RUFY3: variants seen among roughly 807,000 people sequenced by gnomAD.
RUFY3 encodes RUN and FYVE domain containing 3, also known as protein RUFY3.
Under a neutral mutation model 84.0 loss-of-function variants are expected in RUFY3, and 34 were observed. That is an observed-to-expected ratio of 0.40 (90% confidence interval 0.31 to 0.54). The LOEUF (loss-of-function observed/expected upper bound fraction) is 0.54. RUFY3 is among the 20% of genes least tolerant of loss of function. RUFY3 has a pLI of 0.39. For synonymous variants in RUFY3, 242 were observed against 252.9 expected (o/e 0.96, Z 0.41); for missense variants, 507 against 736.8 (o/e 0.69, Z 3.61).
At chr4:70,740,935 T>A (rs2148646086) in intron 1 of RUFY3, among the ~76,000 whole-genome samples, 1 of 152,326 alleles carries the variant, frequency 6.6e-6, no homozygotes, top group East Asian at 1.9e-4. Context: ...TACTTGAGGC[T>A]ATTTATAGTC....
At chr4:70,716,156 G>GT (rs936372965) in intron 1 of RUFY3, among the ~76,000 whole-genome samples, 3 of 151,712 alleles carry the variant, frequency 2.0e-5, no homozygotes, top group Non-Finnish European at 4.4e-5. Flanking sequence ...TTTTGTTATT[G>GT]TTTTTTTGAG....
At chr4:70,744,127 T>C (rs1191586083) in intron 1 of RUFY3, among the ~76,000 whole-genome samples, 1 of 152,236 alleles carries the variant, frequency 6.6e-6, no homozygotes, top group Non-Finnish European at 1.5e-5. Flanking sequence ...ACTGCTAAGC[T>C]GTTTTCAATG....
At chr4:70,800,783 G>A (rs1032838629) in intron 15 of RUFY3, among the ~76,000 whole-genome samples, 2 of 152,166 alleles carry the variant, frequency 1.3e-5, no homozygotes, top group African/African-American at 2.4e-5. Flanking sequence ...TTGGGAGGCC[G>A]AGGCAGGAGA....
At chr4:70,740,130 G>A (rs1052543986) in intron 1 of RUFY3, among the ~76,000 whole-genome samples, 2 of 152,086 alleles carry the variant, frequency 1.3e-5, no homozygotes, top group Admixed American at 6.6e-5. Flanking sequence ...AAGGTACATA[G>A]TGACTCAAAG....
At chr4:70,730,361 C>G (rs1349722492) in intron 1 of RUFY3, among the ~76,000 whole-genome samples, 1 of 152,050 alleles carries the variant, frequency 6.6e-6, no homozygotes, top group East Asian at 1.9e-4. Flanking sequence ...TTATTTACTC[C>G]AAGTGTTAAA....
intron 12 of RUFY3, among the ~76,000 whole-genome samples, chr4:70,791,005 A>G (rs1395796692): frequency 1.3e-5 from 2 of 152,224 alleles, no homozygotes; most frequent in Non-Finnish European, 2.9e-5. Flanking sequence ...TTTATGATTT[A>G]ACAAAATGAT....
intron 1 of RUFY3, among the ~76,000 whole-genome samples, chr4:70,727,785 C>T (rs1718526900): frequency 1.4e-5 from 2 of 143,944 alleles, no homozygotes; most frequent in Admixed American, 1.4e-4. Flanking sequence ...GAAACTCTGT[C>T]TCAAAAAAAA....
At chr4:70,709,057 CAA>C (rs1303352124) in intron 1 of RUFY3, among the ~76,000 whole-genome samples, 2 of 151,582 alleles carry the variant, frequency 1.3e-5, no homozygotes. Flanking sequence ...GATGCTGTTT[CAA>C]AAAAAAGTTT....
chr4:70,796,181 A>G (rs1641897128), intron 14 of RUFY3, among the ~76,000 whole-genome samples: 1 of 152,184 alleles, frequency 6.6e-6, no homozygotes, highest in Non-Finnish European at 1.5e-5. Context: ...CCTGGGTGAC[A>G]GAGCAACACT....
At chr4:70,770,502 G>C (rs776075877) in intron 5 of RUFY3, among the ~76,000 whole-genome samples, 1 of 152,254 alleles carries the variant, frequency 6.6e-6, no homozygotes, top group South Asian at 2.1e-4. Flanking sequence ...CTTAAACCTC[G>C]TAAACCAGTG....
At chr4:70,796,946 C>CTTTTT (rs1203826586) in intron 14 of RUFY3, among the ~76,000 whole-genome samples, 4 of 135,176 alleles carry the variant, frequency 3.0e-5, no homozygotes, top group Non-Finnish European at 4.8e-5. Context: ...CTTTTCTTTT[C>CTTTTT]TTTTTTTTTT....
chr4:70,738,576 A>G (rs1167416089), intron 1 of RUFY3, among the ~76,000 whole-genome samples: 2 of 146,700 alleles, frequency 1.4e-5, no homozygotes, highest in East Asian at 2.1e-4. Context: ...GTTGGCCAGG[A>G]TGGTCTTGAT....
At chr4:70,733,549 G>A (rs992991926) in intron 1 of RUFY3, among the ~76,000 whole-genome samples, 1 of 152,042 alleles carries the variant, frequency 6.6e-6, no homozygotes, top group Non-Finnish European at 1.5e-5. Context: ...TATTTATCAC[G>A]GTATTCTGAC....
At chr4:70,735,610 G>A (rs1720138658) in intron 1 of RUFY3, among the ~76,000 whole-genome samples, 1 of 152,156 alleles carries the variant, frequency 6.6e-6, no homozygotes, top group Non-Finnish European at 1.5e-5. Context: ...GGAGGCCAAG[G>A]CAGGCGGATT....
At chr4:70,731,390 T>G (rs1719250664) in intron 1 of RUFY3, among the ~76,000 whole-genome samples, 1 of 152,170 alleles carries the variant, frequency 6.6e-6, no homozygotes, top group African/African-American at 2.4e-5. Flanking sequence ...ACATGTTTTC[T>G]TTTTCCTCTT....
intron 1 of RUFY3, among the ~76,000 whole-genome samples, chr4:70,761,660 C>A (rs1385341112): frequency 1.3e-5 from 2 of 152,132 alleles, no homozygotes; most frequent in East Asian, 3.9e-4. Flanking sequence ...GTAATGAGTA[C>A]AATAAAATGT....
chr4:70,727,815 G>T lies in RUFY3; in HGVS notation c.178+5064G>T, dbSNP rs1462000957. Reference sequence around the variant, plus strand: ...AAAAAAAAAAAAAGATTTTTTTAAAGAAATTCACCAATACATGTTATGTAT... The same window carrying T: ...AAAAAAAAAAAAAGATTTTTTTAAATAAATTCACCAATACATGTTATGTAT... On this transcript the variant is annotated intron_variant, in intron 1 of 17. Transcript: ENST00000381006. Among the ~76,000 whole-genome samples the T allele has an allele frequency of 2.0e-5, 3 of 150,236 alleles. No individual in the cohort carries two copies. In the East Asian group the frequency reaches 5.9e-4, roughly 30 times the overall value.
chr4:70,722,317 G>A lies in RUFY3; in HGVS notation c.-257G>A, dbSNP rs186224918. 129 of 1,234,134 alleles carry A rather than the reference G, an allele frequency of 1.0e-4. No individual in the cohort carries two copies. In the East Asian group the frequency reaches 2.1e-3, roughly 20 times the overall value. 76.4% of individuals were successfully genotyped at this position (1,234,134 alleles called of 1,614,324 possible). On this transcript the variant is annotated 5_prime_UTR_variant, in exon 1 of 18. Transcript: ENST00000381006. ...AGGAGAGGAAGCTGGGAGAAGACAA[G>A]CATCATCTTATTTTGCTATGTGGTA...
At chr4:70,773,401 A>G in intron 5 of RUFY3, 110 bp from the exon 6 acceptor site, 1 of 670,908 alleles carries the variant, frequency 1.5e-6, no homozygotes, top group African/African-American at 1.8e-5. Context: ...GTAAATTTCT[A>G]GTAAGTGTCA....
Sources: gnomAD v4.1 joint callset for allele counts (sites outside exome capture counted in the v4.1 genomes callset) on GRCh38, gnomAD v4.1.1 for gene constraint, MANE v1.5 for transcripts, NCBI Gene and HGNC (gene_info 2026-07-23, HGNC 2026-07-21) for gene names.